Variants in STAG1 observed in about 807,000 individuals in gnomAD.
STAG1 encodes STAG1 cohesin complex component, also known as cohesin subunit SA-1.
Under a neutral mutation model 170.9 loss-of-function variants are expected in STAG1, and 26 were observed. The observed-to-expected ratio is 0.15, with a 90% confidence interval of 0.11 to 0.21. STAG1 has a LOEUF of 0.21. STAG1 is among the 10% of genes least tolerant of loss of function. The pLI is 1.00. For synonymous variants in STAG1, 514 were observed against 497.7 expected (o/e 1.03, Z -0.44); for missense variants, 964 against 1,509.5 (o/e 0.64, Z 5.99).
chr3:136,560,585 T>C (rs1022318310), intron 5 of STAG1, among the ~76,000 whole-genome samples: 2 of 152,224 alleles, frequency 1.3e-5, no homozygotes, highest in Admixed American at 6.5e-5. Context: ...TCCCACTTCA[T>C]TGATACTGAA....
At chr3:136,465,513 G>A (rs9866535) in intron 12 of STAG1, among the ~76,000 whole-genome samples, 51,254 of 135,838 alleles carry the variant, frequency 0.38, 10,236 homozygotes, top group African/African-American at 0.54. Flanking sequence ...GAGTCACTGT[G>A]CCTGGCCGCC....
At chr3:136,467,028 A>T (rs989389305) in intron 12 of STAG1, among the ~76,000 whole-genome samples, 5 of 152,212 alleles carry the variant, frequency 3.3e-5, no homozygotes, top group Non-Finnish European at 2.9e-5. Context: ...AGGAACAACC[A>T]GTACCAGCCA....
chr3:136,513,780 A>G (rs989265193), intron 7 of STAG1, among the ~76,000 whole-genome samples: 1 of 152,206 alleles, frequency 6.6e-6, no homozygotes, highest in Admixed American at 6.5e-5. Flanking sequence ...CTATCAAAAA[A>G]TATGCTACAC....
At chr3:136,733,842 C>T (rs890340990) in intron 1 of STAG1, among the ~76,000 whole-genome samples, 6 of 152,250 alleles carry the variant, frequency 3.9e-5, no homozygotes, top group Admixed American at 1.3e-4. Flanking sequence ...GCACAGTGGC[C>T]CACGCCTGTA....
chr3:136,743,155 C>A (rs1576839904), intron 1 of STAG1, among the ~76,000 whole-genome samples: 1 of 151,960 alleles, frequency 6.6e-6, no homozygotes, highest in African/African-American at 2.4e-5. Flanking sequence ...CAGCTTGAGG[C>A]CAGGAATTCA....
At chr3:136,399,707 AT>A (rs1413054855) in intron 21 of STAG1, among the ~76,000 whole-genome samples, 14 of 151,952 alleles carry the variant, frequency 9.2e-5, no homozygotes, top group African/African-American at 3.1e-4. Flanking sequence ...CTCTGCATGC[AT>A]TTTTCTAGGG....
At chr3:136,586,949 A>G (rs1937859413) in intron 4 of STAG1, 1 of 454,066 alleles carries the variant, frequency 2.2e-6, no homozygotes, top group Non-Finnish European at 4.4e-6. Flanking sequence ...AGAGCCAGAA[A>G]ATGGAGGGGC....
chr3:136,394,137 A>T (rs1437091014), intron 22 of STAG1, among the ~76,000 whole-genome samples: 2 of 151,896 alleles, frequency 1.3e-5, no homozygotes, highest in Non-Finnish European at 2.9e-5. Flanking sequence ...CTATCTCTTG[A>T]CCTCGTGATC....
At chr3:136,680,576 A>G (rs976221197) in intron 1 of STAG1, among the ~76,000 whole-genome samples, 26 of 152,068 alleles carry the variant, frequency 1.7e-4, no homozygotes, top group African/African-American at 2.7e-4. Flanking sequence ...AACCAAGTCA[A>G]AAACAATGGC....
At chr3:136,473,699 C>A in intron 10 of STAG1, 62 bp from the exon 11 acceptor site, 1 of 1,244,528 alleles carries the variant, frequency 8.0e-7, no homozygotes, top group South Asian at 1.2e-5. Flanking sequence ...ATTTTCAAGT[C>A]TATATGAAGA....
chr3:136,728,236 T>A (rs1933799475), intron 1 of STAG1, among the ~76,000 whole-genome samples: 1 of 152,190 alleles, frequency 6.6e-6, no homozygotes, highest in Non-Finnish European at 1.5e-5. Flanking sequence ...GAGTCCATGA[T>A]TAGAATCAAG....
At position 136,565,011 on chromosome 3, in the gene STAG1, A is replaced by AAGGAAGGAAGGCAGGCAGGC. The variant is rs1207671431; in HGVS notation, c.394+3753_394+3754insGCCTGCCTGCCTTCCTTCCT. Among the ~76,000 whole-genome samples the AAGGAAGGAAGGCAGGCAGGC allele has an allele frequency of 1.8e-3, 81 of 45,396 alleles. 6 individuals are homozygous for AAGGAAGGAAGGCAGGCAGGC. The highest frequency in any genetic ancestry group is 2.9e-3 in the Non-Finnish European group (64 of 22,350). 29.8% of individuals were successfully genotyped at this position (45,396 alleles called of 152,430 possible). A position where few individuals can be genotyped will look rare whatever the true frequency, so the allele number is the denominator to read the frequency against. On this transcript the variant is annotated intron_variant, in intron 5 of 33. Coordinates refer to ENST00000383202, the MANE Select transcript of STAG1 (RefSeq NM_005862.3). The stretch of plus-strand genomic sequence containing the variant: ...GAAGGAAGGAAGGAAGGAAGGAAGG[A>AAGGAAGGAAGGCAGGCAGGC]AGGCAGGCAGGCAGGCAGGCAGGCA...
chr3:136,557,512 C>G (rs1319154689), intron 5 of STAG1, among the ~76,000 whole-genome samples: 1 of 152,070 alleles, frequency 6.6e-6, no homozygotes, highest in Non-Finnish European at 1.5e-5. Flanking sequence ...TCTTCATGAC[C>G]ACGGTGTAAA....
intron 3 of STAG1, among the ~76,000 whole-genome samples, chr3:136,612,169 C>G (rs2107817712): frequency 6.6e-6 from 1 of 152,180 alleles, no homozygotes; most frequent in Non-Finnish European, 1.5e-5. Context: ...TTTTATATGG[C>G]TATATGTTCG....
At chr3:136,487,083 T>C (rs561383215) in intron 9 of STAG1, among the ~76,000 whole-genome samples, 28 of 147,206 alleles carry the variant, frequency 1.9e-4, no homozygotes, top group Non-Finnish European at 2.5e-4. Flanking sequence ...GCATGTGCCA[T>C]GGTGGTCTGC....
chr3:136,647,617 A>G (rs1459247555), intron 1 of STAG1, among the ~76,000 whole-genome samples: 1 of 152,186 alleles, frequency 6.6e-6, no homozygotes, highest in Admixed American at 6.5e-5. Flanking sequence ...ATAAGGAAAA[A>G]AAGATATTCT....
chr3:136,605,510 T>C (rs1399203041), intron 3 of STAG1, among the ~76,000 whole-genome samples: 1 of 152,218 alleles, frequency 6.6e-6, no homozygotes, highest in East Asian at 1.9e-4. Context: ...CTTGAAACTC[T>C]CTTAACAGAC....
chr3:136,407,252 T>C (rs891027178), intron 21 of STAG1, among the ~76,000 whole-genome samples: 6 of 152,110 alleles, frequency 3.9e-5, no homozygotes, highest in African/African-American at 1.4e-4. Flanking sequence ...TCTCGAACTC[T>C]TGACCTCAGG....
chr3:136,511,487 TC>T (rs1934061799), intron 7 of STAG1, among the ~76,000 whole-genome samples: 1 of 152,220 alleles, frequency 6.6e-6, no homozygotes, highest in African/African-American at 2.4e-5. Flanking sequence ...CGAGATCCTG[TC>T]TTTTGCAGGG....
Sources: allele counts gnomAD v4.1 joint callset (sites outside exome capture counted in the v4.1 genomes callset), GRCh38; gene constraint gnomAD v4.1.1; transcripts MANE v1.5; gene names NCBI Gene and HGNC (gene_info 2026-07-23, HGNC 2026-07-21).